Variants in RGS7 observed in about 807,000 individuals in gnomAD.
RGS7 encodes the protein regulator of G-protein signaling 7.
RGS7 carries 27 observed loss-of-function variants against 81.1 expected under a neutral mutation model. That is an observed-to-expected ratio of 0.33 (90% CI 0.25 to 0.46). The LOEUF (loss-of-function observed/expected upper bound fraction) is 0.46, where lower values mean the gene tolerates loss of function less well. Among genes scored for constraint, RGS7 ranks in the 20% least tolerant of loss-of-function variants. The pLI, the probability that RGS7 is intolerant of heterozygous loss-of-function variation, is 1.00. For synonymous variants in RGS7, 208 were observed against 207.7 expected (o/e 1.00, Z -0.01); for missense variants, 396 against 607.4 (o/e 0.65, Z 3.66).
intron 2 of RGS7, among the ~76,000 whole-genome samples, chr1:241,128,484 GGCTGAGGCTC>G (rs1309676951): frequency 6.6e-6 from 1 of 151,148 alleles, no homozygotes; most frequent in Non-Finnish European, 1.5e-5. Flanking sequence ...CTACCAGGGA[GGCTGAGGCTC>G]GAGAAACGCT....
chr1:241,070,324 G>GA (rs375392335), intron 3 of RGS7, among the ~76,000 whole-genome samples: 113,653 of 138,664 alleles, frequency 0.82, 46,601 homozygotes, highest in Admixed American at 0.86. Context: ...AGGAGAAATG[G>GA]AAAAAAAAAA....
chr1:241,133,500 T>A (rs561288774), intron 2 of RGS7, among the ~76,000 whole-genome samples: 1 of 152,032 alleles, frequency 6.6e-6, no homozygotes, highest in East Asian at 1.9e-4. Flanking sequence ...TTAGCCACCA[T>A]AATTTTTTTT....
At chr1:240,872,660 G>C (rs1246656853) in intron 6 of RGS7, among the ~76,000 whole-genome samples, 1 of 152,154 alleles carries the variant, frequency 6.6e-6, no homozygotes, top group Non-Finnish European at 1.5e-5. Flanking sequence ...TATTAGCAGA[G>C]AGTATCAGCA....
chr1:240,965,672 G>T (rs1243826457), intron 4 of RGS7, among the ~76,000 whole-genome samples: 1 of 152,128 alleles, frequency 6.6e-6, no homozygotes, highest in Non-Finnish European at 1.5e-5. Context: ...GTTTGCTCCC[G>T]TTTCTCTTGT....
At chr1:240,998,122 T>C (rs763688215) in intron 3 of RGS7, among the ~76,000 whole-genome samples, 1 of 152,220 alleles carries the variant, frequency 6.6e-6, no homozygotes, top group Non-Finnish European at 1.5e-5. Context: ...AGGAAAAATT[T>C]TGTGGCACTT....
chr1:241,069,336 G>A (rs115695911), intron 3 of RGS7, among the ~76,000 whole-genome samples: 41 of 152,182 alleles, frequency 2.7e-4, no homozygotes, highest in African/African-American at 8.2e-4. Context: ...GACACATCCC[G>A]AATTTAAAAG....
chr1:241,041,309 A>G (rs954184832), intron 3 of RGS7, among the ~76,000 whole-genome samples: 4 of 146,382 alleles, frequency 2.7e-5, no homozygotes, highest in Non-Finnish European at 6.2e-5. Context: ...CATTCTAATC[A>G]TTTCAAAATT....
chr1:240,939,296 T>C (rs1677162074), intron 4 of RGS7, among the ~76,000 whole-genome samples: 2 of 152,230 alleles, frequency 1.3e-5, no homozygotes. Flanking sequence ...GATAGATATG[T>C]TAATTATTCT....
chr1:240,884,347 G>A (rs1666981962), intron 6 of RGS7, among the ~76,000 whole-genome samples: 1 of 152,154 alleles, frequency 6.6e-6, no homozygotes, highest in Non-Finnish European at 1.5e-5. Context: ...GGGGCTTGCA[G>A]GAAACTTATC....
intron 10 of RGS7, among the ~76,000 whole-genome samples, chr1:240,820,522 C>T (rs181297117): frequency 4.6e-5 from 7 of 151,708 alleles, no homozygotes; most frequent in Admixed American, 4.6e-4. Context: ...CTCCAAAATT[C>T]TTATGTTGAA....
intron 2 of RGS7, among the ~76,000 whole-genome samples, chr1:241,216,897 T>C (rs1196330396): frequency 6.6e-6 from 1 of 152,194 alleles, no homozygotes; most frequent in African/African-American, 2.4e-5. Context: ...GTCCTGACAA[T>C]GTCAGTTAAA....
At chr1:241,162,079 AC>A (rs1343888462) in intron 2 of RGS7, among the ~76,000 whole-genome samples, 3 of 151,704 alleles carry the variant, frequency 2.0e-5, no homozygotes, top group Non-Finnish European at 4.4e-5. Flanking sequence ...AGGACCCCCA[AC>A]CCCTCCCCAG....
At chr1:241,008,421 T>C (rs911366191) in intron 3 of RGS7, among the ~76,000 whole-genome samples, 1 of 152,162 alleles carries the variant, frequency 6.6e-6, no homozygotes, top group Non-Finnish European at 1.5e-5. Context: ...TAAACCTGGG[T>C]TGGGAGCCTG....
chr1:240,973,618 C>T (rs1683605121), intron 4 of RGS7, among the ~76,000 whole-genome samples: 1 of 151,968 alleles, frequency 6.6e-6, no homozygotes, highest in Non-Finnish European at 1.5e-5. Context: ...GAGATGGAGT[C>T]TCGCTCTGTT....
intron 18 of RGS7, among the ~76,000 whole-genome samples, chr1:240,778,756 T>A (rs893235691): frequency 6.6e-6 from 1 of 152,076 alleles, no homozygotes. Flanking sequence ...ATGGTCTCGA[T>A]CTCTTGACCT....
intron 2 of RGS7, among the ~76,000 whole-genome samples, chr1:241,195,079 T>A (rs997403801): frequency 3.3e-5 from 5 of 152,220 alleles, no homozygotes; most frequent in African/African-American, 9.6e-5. Context: ...TAGAAGCAAG[T>A]TGAAGTCCCA....
At chr1:241,351,228 G>A (rs993727351) in intron 2 of RGS7, among the ~76,000 whole-genome samples, 31 of 151,900 alleles carry the variant, frequency 2.0e-4, no homozygotes, top group African/African-American at 6.5e-4. Context: ...AGACCACCCT[G>A]GGCAACATAG....
Position 240,868,729 on chromosome 1 carries a change from A to C in RGS7, c.527+47T>G. 1 of 1,611,540 alleles carries C rather than the reference A, an allele frequency of 6.2e-7. No homozygotes were observed. The highest frequency in any genetic ancestry group is 8.5e-7 in the Non-Finnish European group (1 of 1,177,660). On this transcript the variant is annotated intron_variant, in intron 8 of 18. Coordinates refer to ENST00000440928, the MANE Select transcript of RGS7 (RefSeq NM_001364886.1). This position sits in a 1 kb window ranked among gnomAD's most constrained non-coding sequence, Gnocchi z 5.1. ...TAATTGTAGTGCCTCTCTGAACAAA[A>C]AGGCCACAACTGGAACAAATCTTCC... is the stretch of plus-strand genomic sequence containing the variant.
intron 4 of RGS7, among the ~76,000 whole-genome samples, chr1:240,966,687 T>C (rs1190520094): frequency 6.6e-6 from 1 of 152,122 alleles, no homozygotes; most frequent in Non-Finnish European, 1.5e-5. Flanking sequence ...AGAGAAAAAA[T>C]TGATTAATCG....
Sources: gnomAD v4.1 joint callset for allele counts (sites outside exome capture counted in the v4.1 genomes callset) on GRCh38, gnomAD v4.1.1 for gene constraint, Gnocchi (gnomAD v3.1) non-coding constraint, MANE v1.5 for transcripts, NCBI Gene and HGNC (gene_info 2026-07-23, HGNC 2026-07-21) for gene names.